CA10: variants seen among roughly 807,000 people sequenced by gnomAD.
CA10 encodes carbonic anhydrase 10 (inactive).
A neutral mutation model predicts 44.2 loss-of-function variants in CA10; 14 were observed. The ratio of observed to expected loss-of-function variants is 0.32; its 90% CI spans 0.21 to 0.50. The LOEUF (loss-of-function observed/expected upper bound fraction) is 0.50, where lower values mean the gene tolerates loss of function less well. CA10 is among the 20% of genes least tolerant of loss of function. The probability of loss-of-function intolerance (pLI) is 0.99; values close to 1 mark genes in which losing one functional copy is unlikely to be tolerated. For missense variants in CA10, 350 were observed against 409.7 expected (o/e 0.85, Z 1.26); for synonymous variants, 159 against 141.6 (o/e 1.12, Z -0.87).
At chr17:51,805,500 C>T (rs1423160166) in intron 3 of CA10, among the ~76,000 whole-genome samples, 3 of 152,216 alleles carry the variant, frequency 2.0e-5, no homozygotes, top group Non-Finnish European at 4.4e-5. Context: ...AACTTCCAAA[C>T]TTATGGGTGC....
At chr17:51,795,202 A>G (rs1222762275) in intron 3 of CA10, among the ~76,000 whole-genome samples, 1 of 152,194 alleles carries the variant, frequency 6.6e-6, no homozygotes, top group Admixed American at 6.5e-5. Context: ...CTCATTTCTA[A>G]AAATGCACTT....
intron 3 of CA10, among the ~76,000 whole-genome samples, chr17:51,926,084 G>A (rs1982417014): frequency 6.6e-6 from 1 of 152,046 alleles, no homozygotes; most frequent in Non-Finnish European, 1.5e-5. Context: ...AATGGTTAAA[G>A]AAAAAATGGC....
chr17:52,117,486 T>C (rs970896909), intron 1 of CA10, among the ~76,000 whole-genome samples: 2 of 152,154 alleles, frequency 1.3e-5, no homozygotes, highest in Non-Finnish European at 2.9e-5. Flanking sequence ...ACCCTGAGAA[T>C]TGAGATTGAC....
At chr17:52,142,104 T>A (rs1338096721) in intron 1 of CA10, among the ~76,000 whole-genome samples, 1 of 152,068 alleles carries the variant, frequency 6.6e-6, no homozygotes, top group Admixed American at 6.5e-5. Context: ...CAAAATAAGG[T>A]AAAAACCACA....
rs577180994 is a variant in CA10, at chr17:51,783,319, T to C, written c.280-35501A>G. Among the ~76,000 whole-genome samples, 4 of 152,352 alleles carry C rather than the reference T, an allele frequency of 2.6e-5. No homozygotes were observed. The East Asian group carries it at 7.7e-4, about 29-fold the overall frequency. ...TATTCTCAAAATGTAGAACAGTGTT[T>C]CACACACCCTGGGTACTCTGATTAA... On this transcript the variant is annotated intron_variant, in intron 3 of 8. Coordinates refer to ENST00000451037, the MANE Select transcript of CA10 (RefSeq NM_020178.5).
At chr17:51,905,253 A>G (rs532105329) in intron 3 of CA10, among the ~76,000 whole-genome samples, 2 of 152,250 alleles carry the variant, frequency 1.3e-5, no homozygotes, top group South Asian at 4.1e-4. Flanking sequence ...TTAGGCTTGG[A>G]GATAGGAGTC....
At chr17:51,634,211 CAG>C (rs1196629214) in intron 7 of CA10, among the ~76,000 whole-genome samples, 1 of 152,226 alleles carries the variant, frequency 6.6e-6, no homozygotes, top group Non-Finnish European at 1.5e-5. Context: ...AAGAGGACAA[CAG>C]AGAGAAAGCA....
chr17:51,792,382 T>A (rs576007058), intron 3 of CA10, among the ~76,000 whole-genome samples: 25 of 152,340 alleles, frequency 1.6e-4, no homozygotes, highest in African/African-American at 5.8e-4. Context: ...AGGTATGTGA[T>A]CATAGCTAAG....
Position 51,780,199 on chromosome 17 carries a change from T to A in CA10, c.280-32381A>T, listed in dbSNP as rs748993654. ...TTTGTGACTTAGATGTCTTCCTGAC[T>A]GTATTTTAGAGTGCTAAACTTCAGT... On this transcript the variant is annotated intron_variant, in intron 3 of 8. Transcript: ENST00000451037. Among the ~76,000 whole-genome samples the A allele has an allele frequency of 4.3e-4, 66 of 152,236 alleles. 1 individual carries two copies. The highest frequency in any genetic ancestry group is 8.5e-4 in the Non-Finnish European group (58 of 68,038).
At chr17:52,108,874 A>T (rs1489357236) in intron 1 of CA10, among the ~76,000 whole-genome samples, 1 of 152,128 alleles carries the variant, frequency 6.6e-6, no homozygotes, top group Non-Finnish European at 1.5e-5. Flanking sequence ...TACCCATGTA[A>T]TCAAACACCA....
chr17:52,141,620 A>G (rs143493054), intron 1 of CA10, among the ~76,000 whole-genome samples: 1 of 152,362 alleles, frequency 6.6e-6, no homozygotes, highest in East Asian at 1.9e-4. Context: ...CAATACATCA[A>G]TGAATGAGCA....
intron 3 of CA10, among the ~76,000 whole-genome samples, chr17:51,835,740 T>TA (rs919480985): frequency 9.9e-5 from 15 of 152,242 alleles, no homozygotes; most frequent in African/African-American, 2.9e-4. Flanking sequence ...ATGTGTTTTA[T>TA]AAAAAAATAA....
At chr17:51,770,064 A>C (rs1470978151) in intron 3 of CA10, among the ~76,000 whole-genome samples, 1 of 151,774 alleles carries the variant, frequency 6.6e-6, no homozygotes, top group Non-Finnish European at 1.5e-5. Flanking sequence ...CTAAGATTCT[A>C]TATCTCTGTT....
intron 2 of CA10, among the ~76,000 whole-genome samples, chr17:51,994,847 T>TAC (rs1567912872): frequency 6.6e-6 from 1 of 151,918 alleles, no homozygotes; most frequent in African/African-American, 2.4e-5. Flanking sequence ...TAAAAACACC[T>TAC]ACCTCATTAT....
Position 51,767,650 on chromosome 17 carries a change from T to G in CA10, c.280-19832A>C, listed in dbSNP as rs1025115962. 3.9e-5 allele frequency among the ~76,000 whole-genome samples: 6 copies of G among 152,188 alleles called. 1 individual carries two copies. On this transcript the variant is annotated intron_variant, in intron 3 of 8. Transcript: ENST00000451037. ...TTACATTTATTGTGCACTTTATTTC[T>G]ATTATTATTACATTGTAACATATAA...
intron 4 of CA10, among the ~76,000 whole-genome samples, chr17:51,727,013 G>GTGTGATGCA (rs1169271512): frequency 6.6e-6 from 1 of 152,208 alleles, no homozygotes; most frequent in East Asian, 1.9e-4. Context: ...CATCATGGGT[G>GTGTGATGCA]TGTGATGCAT....
intron 3 of CA10, among the ~76,000 whole-genome samples, chr17:51,786,513 C>T (rs1906290453): frequency 2.0e-5 from 3 of 152,198 alleles, no homozygotes; most frequent in Admixed American, 6.5e-5. Flanking sequence ...GATTGTGCCA[C>T]TGCACTGCAG....
At chr17:51,731,609 C>T (rs1794411556) in intron 4 of CA10, among the ~76,000 whole-genome samples, 1 of 139,290 alleles carries the variant, frequency 7.2e-6, no homozygotes, top group Admixed American at 7.8e-5. Flanking sequence ...TCTATGACAT[C>T]TCATCAGCCT....
intron 3 of CA10, among the ~76,000 whole-genome samples, chr17:51,923,724 CTTATT>C (rs1457322984): frequency 6.6e-6 from 1 of 152,104 alleles, no homozygotes; most frequent in East Asian, 1.9e-4. Context: ...ATTTTTTCAA[CTTATT>C]TTAATAGTCA....
Sources: allele counts gnomAD v4.1 joint callset (sites outside exome capture counted in the v4.1 genomes callset), GRCh38; gene constraint gnomAD v4.1.1; transcripts MANE v1.5; gene names NCBI Gene and HGNC (gene_info 2026-07-23, HGNC 2026-07-21).